Variants in VMP1 observed in about 807,000 individuals in gnomAD.
The protein encoded by VMP1 is ectopic P-granules autophagy protein 3 homolog.
In VMP1, 11 loss-of-function variants were observed where a neutral mutation model predicts 56.0. The observed-to-expected ratio is 0.20, with a 90% CI of 0.12 to 0.32. VMP1 has a LOEUF of 0.32. Ranked by LOEUF, VMP1 falls within the 10% of genes least tolerant of loss-of-function variation. VMP1 has a pLI of 1.00. For missense variants in VMP1, 296 were observed against 490.3 expected, an observed-to-expected ratio of 0.60 and a Z score of 3.74; for synonymous variants, 149 against 165.0, an observed-to-expected ratio of 0.90 and a Z score of 0.74.
intron 7 of VMP1, among the ~76,000 whole-genome samples, chr17:59,774,827 G>A (rs1467622621): frequency 6.6e-6 from 1 of 152,042 alleles, no homozygotes; most frequent in African/African-American, 2.4e-5. Context: ...AGCCGGGGGT[G>A]GTAGCTCATG....
intron 1 of VMP1, among the ~76,000 whole-genome samples, chr17:59,718,872 A>AT (rs747269038): frequency 2.9e-4 from 44 of 151,780 alleles, no homozygotes; most frequent in Non-Finnish European, 5.7e-4. Context: ...AAATTCAAGA[A>AT]TTTTTTTTCA....
chr17:59,736,112 CATT>C (rs942563416), intron 3 of VMP1, among the ~76,000 whole-genome samples: 1 of 152,096 alleles, frequency 6.6e-6, no homozygotes, highest in African/African-American at 2.4e-5. Context: ...AAAACAAGTA[CATT>C]ATTATAAACA....
Sources: allele counts gnomAD v4.1 joint callset (sites outside exome capture counted in the v4.1 genomes callset), GRCh38; gene constraint gnomAD v4.1.1; transcripts MANE v1.5; gene names NCBI Gene and HGNC (gene_info 2026-07-23, HGNC 2026-07-21).